ANKRD6: variants seen among roughly 807,000 people sequenced by gnomAD.
ANKRD6 encodes ankyrin repeat domain-containing protein 6.
A neutral mutation model predicts 82.3 loss-of-function variants in ANKRD6; 56 were observed. The ratio of observed to expected loss-of-function variants is 0.68; its 90% CI spans 0.55 to 0.85. The LOEUF is 0.85. Ranked by LOEUF, ANKRD6 falls within the 40% of genes least tolerant of loss-of-function variation. The pLI is 0.00. For missense variants in ANKRD6, 852 were observed against 907.6 expected, an observed-to-expected ratio of 0.94 and a Z score of 0.79; for synonymous variants, 347 against 352.1, an observed-to-expected ratio of 0.99 and a Z score of 0.16.
chr6:89,540,640 T>C (rs1784346711), intron 1 of ANKRD6, among the ~76,000 whole-genome samples: 1 of 152,202 alleles, frequency 6.6e-6, no homozygotes, highest in African/African-American at 2.4e-5. Flanking sequence ...ATATGACCCA[T>C]TTGTCCATTT....
intron 2 of ANKRD6, among the ~76,000 whole-genome samples, chr6:89,569,002 C>G (rs550293584): frequency 1.3e-5 from 2 of 151,642 alleles, no homozygotes; most frequent in South Asian, 4.2e-4. Flanking sequence ...CAACCTCCAC[C>G]TCCCAGGTTC....
At chr6:89,622,592 T>C (rs980556754) in intron 10 of ANKRD6, among the ~76,000 whole-genome samples, 21 of 152,166 alleles carry the variant, frequency 1.4e-4, no homozygotes, top group African/African-American at 5.1e-4. Flanking sequence ...GGCTCCCTTA[T>C]ATGAATTAGA....
chr6:89,464,405 A>T (rs1774580180), intron 1 of ANKRD6, among the ~76,000 whole-genome samples: 1 of 152,202 alleles, frequency 6.6e-6, no homozygotes, highest in Non-Finnish European at 1.5e-5. Flanking sequence ...AGTCCCTTCC[A>T]ACTTAATCAT....
At chr6:89,622,599 T>C (rs1369927382) in intron 10 of ANKRD6, among the ~76,000 whole-genome samples, 1 of 152,080 alleles carries the variant, frequency 6.6e-6, no homozygotes, top group Non-Finnish European at 1.5e-5. Flanking sequence ...TTATATGAAT[T>C]AGAAAAAGAT....
At chr6:89,565,600 G>A (rs1213095516) in intron 1 of ANKRD6, among the ~76,000 whole-genome samples, 3 of 152,204 alleles carry the variant, frequency 2.0e-5, no homozygotes, top group Non-Finnish European at 4.4e-5. Flanking sequence ...TGAATGCCAC[G>A]GTGAACGAGT....
chr6:89,602,776 G>T (rs1797530668), intron 3 of ANKRD6: 2 of 477,646 alleles, frequency 4.2e-6, no homozygotes, highest in African/African-American at 1.9e-5. Flanking sequence ...TGGCTCTGTG[G>T]CCGAGGGCTA....
intron 1 of ANKRD6, among the ~76,000 whole-genome samples, chr6:89,518,292 C>G (rs958518679): frequency 4.6e-5 from 7 of 151,976 alleles, no homozygotes; most frequent in Admixed American, 4.6e-4. Context: ...ATCCCAGCTG[C>G]TGCGGAGGCT....
Position 89,628,776 on chromosome 6 carries a change from AC to A in ANKRD6, c.1486-335del, listed in dbSNP as rs57835156. ...CAGAGCGAGACTTCCATCTCAAAAA[AC>A]AAACAAACAAACAAAAAAAAAAACT... On this transcript the variant is annotated intron_variant, in intron 14 of 15. Transcript: ENST00000339746. The A allele has an allele frequency of 4.7e-3, 1,208 of 256,114 alleles. 15 individuals carry two copies. Among genetic ancestry groups the A allele is most frequent in the African/African-American group, 0.022 (928 of 42,852 alleles). The allele number at this position is 256,114 out of a possible 1,614,324, so 15.9% of individuals were successfully genotyped here.
chr6:89,547,719 C>G (rs1327038561), intron 1 of ANKRD6, among the ~76,000 whole-genome samples: 1 of 152,080 alleles, frequency 6.6e-6, no homozygotes, highest in Non-Finnish European at 1.5e-5. Flanking sequence ...AAATTGTATC[C>G]TTTATTGGAT....
At chr6:89,606,551 G>A (rs1490235273) in intron 5 of ANKRD6, among the ~76,000 whole-genome samples, 1 of 152,094 alleles carries the variant, frequency 6.6e-6, no homozygotes, top group Non-Finnish European at 1.5e-5. Flanking sequence ...AACAAATCAG[G>A]AGCCTTAAAA....
chr6:89,570,063 A>G lies in ANKRD6; in HGVS notation c.120+2967A>G, dbSNP rs372395696. 5.4e-3 allele frequency among the ~76,000 whole-genome samples: 804 copies of G among 148,868 alleles called. 10 individuals are homozygous for G. Among genetic ancestry groups the G allele is most frequent in the African/African-American group, 0.012 (503 of 40,358 alleles). On this transcript the variant is annotated intron_variant, in intron 2 of 15. Coordinates refer to ENST00000339746, the MANE Select transcript of ANKRD6 (RefSeq NM_001242809.2). ...TACTCGTGTGTGTGTATGTGTGTAT[A>G]TGTGTGTGTGTGTGTGTGTGTGTGT...
At chr6:89,561,180 A>C (rs1292365059) in intron 1 of ANKRD6, 1 of 152,222 alleles carries the variant, frequency 6.6e-6, no homozygotes, top group African/African-American at 2.4e-5. Context: ...GGTTTCCTGA[A>C]TAATATTCAG....
chr6:89,502,622 T>C (rs1174049576), intron 1 of ANKRD6, among the ~76,000 whole-genome samples: 2 of 152,230 alleles, frequency 1.3e-5, no homozygotes, highest in Admixed American at 6.5e-5. Flanking sequence ...GAATACTTTT[T>C]AAAAAGTTGG....
intron 2 of ANKRD6, among the ~76,000 whole-genome samples, chr6:89,584,257 A>G (rs892835696): frequency 5.3e-5 from 8 of 152,168 alleles, no homozygotes; most frequent in African/African-American, 1.4e-4. Flanking sequence ...GATTCTCCAC[A>G]TCCCCACCCT....
intron 9 of ANKRD6, chr6:89,620,208 G>A (rs1445851349): frequency 6.6e-6 from 1 of 152,230 alleles, no homozygotes; most frequent in African/African-American, 2.4e-5. Context: ...CTGTGGACTG[G>A]AAAAGATTAA....
At chr6:89,488,159 C>CCCTCT (rs1562617810) in intron 1 of ANKRD6, among the ~76,000 whole-genome samples, 11 of 152,232 alleles carry the variant, frequency 7.2e-5, no homozygotes, top group African/African-American at 2.4e-4. Context: ...CATGTTGTGA[C>CCCTCT]CTAGCCAGCC....
chr6:89,601,418 A>G (rs183617989), intron 3 of ANKRD6, among the ~76,000 whole-genome samples: 5 of 152,222 alleles, frequency 3.3e-5, no homozygotes, highest in Admixed American at 3.3e-4. Context: ...TGTGACAGGG[A>G]CAGTCCTGTT....
chr6:89,611,931 T>C (rs1249025992), intron 5 of ANKRD6, among the ~76,000 whole-genome samples: 2 of 152,358 alleles, frequency 1.3e-5, no homozygotes, highest in African/African-American at 4.8e-5. Context: ...AACACCTTCC[T>C]AGACACTCTG....
At chr6:89,600,683 C>G (rs1796932287) in intron 3 of ANKRD6, among the ~76,000 whole-genome samples, 1 of 152,082 alleles carries the variant, frequency 6.6e-6, no homozygotes, top group South Asian at 2.1e-4. Flanking sequence ...TTGGGAAATT[C>G]CGTCACCATT....
Sources: allele counts gnomAD v4.1 joint callset (sites outside exome capture counted in the v4.1 genomes callset), GRCh38; gene constraint gnomAD v4.1.1; transcripts MANE v1.5; gene names NCBI Gene and HGNC (gene_info 2026-07-23, HGNC 2026-07-21).